CNTN6: variants seen among roughly 807,000 people sequenced by gnomAD.
The protein encoded by CNTN6 is contactin-6.
A neutral mutation model predicts 122.8 loss-of-function variants in CNTN6; 137 were observed. The observed-to-expected ratio is 1.12, with a 90% CI of 0.97 to 1.29. CNTN6 has a LOEUF of 1.29. Ranked by LOEUF, CNTN6 falls within the 50% of genes most tolerant of loss-of-function variation. The pLI, the probability that CNTN6 is intolerant of heterozygous loss-of-function variation, is 0.00. For synonymous variants in CNTN6, 570 were observed against 426.0 expected (o/e 1.34, Z -4.16); for missense variants, 1,634 against 1,223.4 (o/e 1.34, Z -5.01).
chr3:1,237,217 A>G (rs2094433699), intron 4 of CNTN6, among the ~76,000 whole-genome samples: 1 of 152,124 alleles, frequency 6.6e-6, no homozygotes. Context: ...AGTTCTGGAA[A>G]TCTAGGACAC....
At chr3:1,184,350 T>C (rs930588226) in intron 2 of CNTN6, among the ~76,000 whole-genome samples, 8 of 152,172 alleles carry the variant, frequency 5.3e-5, no homozygotes, top group Admixed American at 3.3e-4. Context: ...GTATATGTCA[T>C]TGAATGTAGT....
At chr3:1,273,771 A>G (rs763594822) in intron 4 of CNTN6, among the ~76,000 whole-genome samples, 8 of 152,254 alleles carry the variant, frequency 5.3e-5, no homozygotes, top group Non-Finnish European at 1.2e-4. Flanking sequence ...CAGCTAATAG[A>G]AATCCCATTG....
At chr3:1,228,076 G>A (rs2094308083) in intron 4 of CNTN6, 83 bp downstream of exon 4, 1 of 1,328,918 alleles carries the variant, frequency 7.5e-7, no homozygotes. Context: ...ATCTAGCTTT[G>A]CCAATGATAT....
At chr3:1,336,824 G>T (rs1703143335) in intron 11 of CNTN6, among the ~76,000 whole-genome samples, 1 of 152,090 alleles carries the variant, frequency 6.6e-6, no homozygotes, top group Non-Finnish European at 1.5e-5. Context: ...GCTCCGCAAT[G>T]CCCAGACACC....
intron 1 of CNTN6, among the ~76,000 whole-genome samples, chr3:1,121,796 T>G (rs2091958292): frequency 6.6e-6 from 1 of 151,968 alleles, no homozygotes; most frequent in Non-Finnish European, 1.5e-5. Context: ...TATTGTTGAG[T>G]TTAGGTAGGC....
chr3:1,390,462 A>G (rs2126220013), intron 20 of CNTN6, among the ~76,000 whole-genome samples: 1 of 151,910 alleles, frequency 6.6e-6, no homozygotes, highest in East Asian at 1.9e-4. Context: ...AAAGCAGGAA[A>G]GATCCAAAAT....
At chr3:1,158,839 CATATATATACATACATATATAT>C (rs2093044710) in intron 2 of CNTN6, among the ~76,000 whole-genome samples, 1 of 53,262 alleles carries the variant, frequency 1.9e-5, no homozygotes, top group African/African-American at 1.5e-4. Flanking sequence ...TATACACACA[CATATATATACATACATATATAT>C]ACACACATAT....
chr3:1,245,258 CATATATATATATATATACACACACATAT>C (rs2094554755), intron 4 of CNTN6, among the ~76,000 whole-genome samples: 2 of 3,940 alleles, frequency 5.1e-4, no homozygotes, highest in Non-Finnish European at 1.0e-3. Flanking sequence ...ATATATATAA[CATATATATATATATATACACACACATAT>C]ATATATAACA....
At position 1,245,223 on chromosome 3, in the gene CNTN6, T is replaced by TAACATATATATATAAC. The variant is rs1487209403; in HGVS notation, c.358+17231_358+17232insACATATATATATAACA. On this transcript the variant is annotated intron_variant, in intron 4 of 22. Transcript: ENST00000446702. ...ATATATATATATATATATATATATA[T>TAACATATATATATAAC]ATATATATATATACACACACACATA... 7.0e-3 allele frequency among the ~76,000 whole-genome samples: 132 copies of TAACATATATATATAAC among 18,788 alleles called. 27 individuals carry two copies. The highest frequency in any genetic ancestry group is 0.036 in the African/African-American group (112 of 3,126). 12.3% of individuals were successfully genotyped at this position (18,788 alleles called of 152,430 possible). A position where few individuals can be genotyped will look rare whatever the true frequency, so the allele number is the denominator to read the frequency against.
At chr3:1,182,582 C>T (rs1328256051) in intron 2 of CNTN6, among the ~76,000 whole-genome samples, 1 of 101,672 alleles carries the variant, frequency 9.8e-6, no homozygotes, top group Non-Finnish European at 1.9e-5. Flanking sequence ...AATCATTTGC[C>T]CACATTCTCC....
intron 1 of CNTN6, among the ~76,000 whole-genome samples, chr3:1,099,526 A>C (rs968842363): frequency 1.3e-5 from 2 of 151,986 alleles, no homozygotes; most frequent in Admixed American, 1.3e-4. Context: ...TTATATTCTT[A>C]TTATTCATTC....
chr3:1,323,099 A>G (rs56084732), intron 8 of CNTN6, among the ~76,000 whole-genome samples: 3,146 of 151,890 alleles, frequency 0.021, 117 homozygotes, highest in African/African-American at 0.071. Flanking sequence ...AATCAATAAT[A>G]AAGTACCTTT....
At chr3:1,295,462 T>A (rs1696048369) in intron 5 of CNTN6, 139 bp from the exon 6 acceptor site, 18 of 632,046 alleles carry the variant, frequency 2.8e-5, no homozygotes, top group Admixed American at 1.1e-4. Flanking sequence ...TTACACCAGA[T>A]GACAGCTATC....
chr3:1,387,598 G>T (rs115483972), intron 20 of CNTN6, among the ~76,000 whole-genome samples: 3 of 152,114 alleles, frequency 2.0e-5, no homozygotes, highest in African/African-American at 7.2e-5. Context: ...GAACAGCTCC[G>T]GTCTACAGCT....
intron 4 of CNTN6, among the ~76,000 whole-genome samples, chr3:1,247,743 C>G (rs1230668814): frequency 1.3e-5 from 2 of 152,172 alleles, no homozygotes; most frequent in African/African-American, 2.4e-5. Context: ...TTATAGTCCC[C>G]TCACAGACAT....
chr3:1,322,237 G>A (rs1183721074), intron 8 of CNTN6, among the ~76,000 whole-genome samples: 1 of 151,540 alleles, frequency 6.6e-6, no homozygotes, highest in Non-Finnish European at 1.5e-5. Flanking sequence ...ACTGCATGGT[G>A]GTTTATAATA....
intron 12 of CNTN6, among the ~76,000 whole-genome samples, chr3:1,359,965 A>G (rs1173084744): frequency 6.6e-6 from 1 of 151,956 alleles, no homozygotes; most frequent in Non-Finnish European, 1.5e-5. Context: ...TCTCCCTTCA[A>G]TATCAGCCTG....
rs1244589498 is a variant in CNTN6 at position 1,128,466 on chromosome 3, C to T, written c.-82-19461C>T. On this transcript the variant is annotated intron_variant, in intron 1 of 22. Transcript: ENST00000446702. ...AGGATCACCTAGTCCAACTGCCTCC[C>T]CACTCCACAATTTGTCAAAGAGCTA... 6 of 152,074 alleles carry T rather than the reference C, an allele frequency of 3.9e-5. No homozygotes were observed. The East Asian group carries it at 1.2e-3, about 29-fold the overall frequency. The allele number at this position is 152,074 out of a possible 1,614,324, so 9.4% of individuals were successfully genotyped here.
intron 12 of CNTN6, among the ~76,000 whole-genome samples, chr3:1,354,528 G>T (rs543871792): frequency 6.6e-6 from 1 of 151,308 alleles, no homozygotes; most frequent in South Asian, 2.1e-4. Flanking sequence ...CTTACGAACT[G>T]TATAACTGAC....
Sources: gnomAD v4.1 joint callset for allele counts (sites outside exome capture counted in the v4.1 genomes callset) on GRCh38, gnomAD v4.1.1 for gene constraint, MANE v1.5 for transcripts, NCBI Gene and HGNC (gene_info 2026-07-23, HGNC 2026-07-21) for gene names.